The following ORC5 variants were observed in gnomAD, a reference collection of about 807,000 sequenced individuals.
The protein encoded by ORC5 is origin recognition complex subunit 5, also known as protein phosphatase 1, regulatory subunit 117.
ORC5 carries 39 observed loss-of-function variants against 58.8 expected under a neutral mutation model. The ratio of observed to expected loss-of-function variants is 0.66; its 90% CI spans 0.51 to 0.87. ORC5 has a LOEUF of 0.87. Ranked by LOEUF, ORC5 falls within the 40% of genes least tolerant of loss-of-function variation. The probability of loss-of-function intolerance (pLI) is 0.00; values close to 1 mark genes in which losing one functional copy is unlikely to be tolerated. For synonymous variants in ORC5, 218 were observed against 177.6 expected (o/e 1.23, Z -1.81); for missense variants, 493 against 506.3 (o/e 0.97, Z 0.25).
intron 1 of ORC5, among the ~76,000 whole-genome samples, chr7:104,206,571 TA>T (rs1479950588): frequency 2.0e-5 from 3 of 152,116 alleles, no homozygotes; most frequent in Admixed American, 2.0e-4. Context: ...AATAGAAAAT[TA>T]ATTGAAGATG....
intron 8 of ORC5, among the ~76,000 whole-genome samples, chr7:104,176,924 A>T (rs185523811): frequency 3.3e-5 from 5 of 152,366 alleles, no homozygotes; most frequent in Non-Finnish European, 7.3e-5. Flanking sequence ...CTATAAACTC[A>T]GCCTAAATAC....
intron 6 of ORC5, chr7:104,184,463 T>TAA: frequency 3.4e-6 from 1 of 290,284 alleles, no homozygotes; most frequent in Non-Finnish European, 6.3e-6. Context: ...TGCTTCTTTC[T>TAA]AAAAAAAAAT....
intron 12 of ORC5, among the ~76,000 whole-genome samples, chr7:104,145,583 G>GA (rs1191584809): frequency 1.3e-5 from 2 of 151,602 alleles, no homozygotes; most frequent in African/African-American, 2.4e-5. Context: ...CAGAGGGTTA[G>GA]AAAAAAAAGA....
At chr7:104,195,482 G>A (rs1397228074) in intron 4 of ORC5, among the ~76,000 whole-genome samples, 1 of 152,130 alleles carries the variant, frequency 6.6e-6, no homozygotes, top group African/African-American at 2.4e-5. Context: ...GCTCACTGTG[G>A]CCTCAACCTC....
chr7:104,170,148 T>C (rs988407879), intron 8 of ORC5, among the ~76,000 whole-genome samples: 1 of 152,236 alleles, frequency 6.6e-6, no homozygotes, highest in African/African-American at 2.4e-5. Flanking sequence ...TCCATTTGTT[T>C]CACTTTTTCA....
At chr7:104,131,352 C>T (rs194845) in intron 13 of ORC5, among the ~76,000 whole-genome samples, 1 of 152,066 alleles carries the variant, frequency 6.6e-6, no homozygotes, top group East Asian at 1.9e-4. Flanking sequence ...TCCGCTCTCT[C>T]ATCTACAGCT....
At chr7:104,160,816 T>A (rs1487552375) in intron 12 of ORC5, among the ~76,000 whole-genome samples, 5 of 152,166 alleles carry the variant, frequency 3.3e-5, no homozygotes, top group African/African-American at 9.6e-5. Flanking sequence ...TATTTAATTT[T>A]AAAAATTCCT....
At chr7:104,202,494 T>A (rs1799968900) in intron 2 of ORC5, 1 of 456,228 alleles carries the variant, frequency 2.2e-6, no homozygotes, top group Non-Finnish European at 4.4e-6. Flanking sequence ...ACGGCATTTG[T>A]ACCATCCATG....
chr7:104,150,113 T>C (rs1798821082), intron 12 of ORC5, among the ~76,000 whole-genome samples: 1 of 152,280 alleles, frequency 6.6e-6, no homozygotes, highest in East Asian at 1.9e-4. Flanking sequence ...AAATGCTTGA[T>C]GTAAAAACAG....
intron 12 of ORC5, among the ~76,000 whole-genome samples, chr7:104,151,715 T>C (rs947156188): frequency 3.9e-5 from 6 of 152,100 alleles, no homozygotes; most frequent in African/African-American, 1.2e-4. Context: ...AGCTGGCAAT[T>C]TGGATGGAGA....
At chr7:104,137,686 C>A (rs373804526) in intron 12 of ORC5, among the ~76,000 whole-genome samples, 5 of 151,992 alleles carry the variant, frequency 3.3e-5, no homozygotes, top group Admixed American at 6.5e-5. Flanking sequence ...CCAGCAGATG[C>A]CAGCAGGCCA....
chr7:104,153,024 A>C (rs766390895), intron 12 of ORC5, among the ~76,000 whole-genome samples: 9 of 152,216 alleles, frequency 5.9e-5, no homozygotes, highest in Non-Finnish European at 4.4e-5. Context: ...AGAAGATAAG[A>C]AAATAGCAGG....
In ORC5 at chr7:104,192,473, T is replaced by G. The variant is rs570179061; in HGVS notation, c.553+2670A>C. On this transcript the variant is annotated intron_variant, in intron 5 of 13. Transcript: ENST00000297431. ...TTCCAGAAAAACTATGTCTTAGAAG[T>G]AGAGCTAAAATTAGCCCTGGAATAA... Among the ~76,000 whole-genome samples, 4 of 152,168 alleles carry G rather than the reference T, an allele frequency of 2.6e-5. No individual in the cohort carries two copies. In the South Asian group the frequency reaches 8.3e-4, roughly 32 times the overall value.
chr7:104,130,294 T>C (rs965109042), intron 13 of ORC5, among the ~76,000 whole-genome samples: 3 of 152,224 alleles, frequency 2.0e-5, no homozygotes, highest in African/African-American at 7.2e-5. Context: ...ATCAGCTTCC[T>C]ACAGCTTCTC....
chr7:104,188,217 CAT>C lies in ORC5; in HGVS notation c.684+32_684+33del, dbSNP rs1554355940. ...GTATACACACACACACACACACACA[CAT>C]ATATATATATTCAAGCAAAATGTTC... On this transcript the variant is annotated intron_variant, in intron 6 of 13. Coordinates refer to ENST00000297431, the MANE Select transcript of ORC5 (RefSeq NM_002553.4). 1,001 of 1,176,922 alleles carry C rather than the reference CAT, an allele frequency of 8.5e-4. 8 individuals carry two copies. Among genetic ancestry groups the C allele is most frequent in the African/African-American group, 6.2e-3 (411 of 66,516 alleles). 72.9% of individuals were successfully genotyped at this position (1,176,922 alleles called of 1,614,324 possible). A position where few individuals can be genotyped will look rare whatever the true frequency, so the allele number is the denominator to read the frequency against.
chr7:104,146,396 G>A (rs1002950569), intron 12 of ORC5, among the ~76,000 whole-genome samples: 19 of 143,278 alleles, frequency 1.3e-4, no homozygotes, highest in South Asian at 4.4e-4. Flanking sequence ...GCCAAAAAAC[G>A]GGAAAGAACC....
chr7:104,149,430 C>T (rs1391989937), intron 12 of ORC5, among the ~76,000 whole-genome samples: 3 of 152,102 alleles, frequency 2.0e-5, no homozygotes, highest in African/African-American at 7.2e-5. Flanking sequence ...TTTTGTCAAG[C>T]TCAAAGTCAA....
At chr7:104,173,320 T>C (rs1241559467) in intron 8 of ORC5, among the ~76,000 whole-genome samples, 1 of 152,218 alleles carries the variant, frequency 6.6e-6, no homozygotes, top group East Asian at 1.9e-4. Flanking sequence ...TTGCCTCTCT[T>C]TACCTTCCTG....
chr7:104,188,297 C>A lies in ORC5; in HGVS notation c.638G>T (p.Gly213Val). The A allele has an allele frequency of 6.2e-7, 1 of 1,612,786 alleles. No homozygotes were observed. Among genetic ancestry groups the A allele is most frequent in the Non-Finnish European group, 8.5e-7 (1 of 1,179,402 alleles). ...ATCTCGACAAACAGTGTAGAAAACT[C>A]CAAGAAGAATGTTAATGTAGGCAGC... The part of the protein sequence containing the change: ...FYAAYINILL[G>V]VFYTVCRDLK... Residue 213 changes from glycine to valine, a missense_variant, in exon 6 of 14, where the codon GGA (glycine) becomes GTA (valine). By Grantham distance (109) the Gly-to-Val change is moderately radical. This residue lies in a region of ORC5 where 412 missense variants were observed against 403.7 expected (regional missense o/e 1.02). Transcript: ENST00000297431.
Sources: allele counts gnomAD v4.1 joint callset (sites outside exome capture counted in the v4.1 genomes callset), GRCh38; gene constraint gnomAD v4.1.1; regional missense constraint gnomAD v4.1.1; transcripts MANE v1.5; gene names NCBI Gene and HGNC (gene_info 2026-07-23, HGNC 2026-07-21).